The following GRIN2A variants were observed in gnomAD, a reference collection of about 807,000 sequenced individuals.
GRIN2A encodes the protein glutamate receptor ionotropic, NMDA 2A.
GRIN2A carries 22 observed loss-of-function variants against 113.4 expected under a neutral mutation model. The observed-to-expected ratio is 0.19, with a 90% CI of 0.14 to 0.28. The LOEUF is 0.28. Among genes scored for constraint, GRIN2A ranks in the 10% least tolerant of loss-of-function variants. The pLI, the probability that GRIN2A is intolerant of heterozygous loss-of-function variation, is 1.00. For missense variants in GRIN2A, 1,502 were observed against 1,887.0 expected (o/e 0.80, Z 3.78); for synonymous variants, 827 against 738.4 (o/e 1.12, Z -1.94).
At chr16:9,961,175 T>C (rs766865513) in intron 2 of GRIN2A, among the ~76,000 whole-genome samples, 4 of 152,204 alleles carry the variant, frequency 2.6e-5, no homozygotes, top group African/African-American at 4.8e-5. Flanking sequence ...GCCTCAACCA[T>C]GTACCAAGAA....
rs528959110 is a variant in GRIN2A, at chr16:9,918,180, C to T, written c.1007+19779G>A. On this transcript the variant is annotated intron_variant, in intron 3 of 12. Transcript: ENST00000330684. ...AAGCTCAGATATATTTAGTTGCTTG[C>T]TCAAAGTCTCACAGCTAATAAGTGG... Among the ~76,000 whole-genome samples the T allele has an allele frequency of 5.3e-5, 8 of 152,276 alleles. No individual in the cohort carries two copies. In the South Asian group the frequency reaches 1.2e-3, roughly 24 times the overall value.
intron 2 of GRIN2A, among the ~76,000 whole-genome samples, chr16:9,980,923 G>T (rs957392515): frequency 6.6e-6 from 1 of 151,326 alleles, no homozygotes; most frequent in Admixed American, 6.6e-5. Flanking sequence ...CACCAACATG[G>T]CACATGTACA....
chr16:9,907,105 G>A (rs2044042363), intron 3 of GRIN2A, among the ~76,000 whole-genome samples: 1 of 152,196 alleles, frequency 6.6e-6, no homozygotes, highest in African/African-American at 2.4e-5. Flanking sequence ...GAATCACGAT[G>A]CCTGACCACA....
chr16:9,835,911 T>C (rs2042577084), intron 7 of GRIN2A, among the ~76,000 whole-genome samples: 1 of 152,174 alleles, frequency 6.6e-6, no homozygotes, highest in Non-Finnish European at 1.5e-5. Context: ...ATAGTGCAAA[T>C]ATATTAAAAA....
intron 3 of GRIN2A, among the ~76,000 whole-genome samples, chr16:9,897,251 T>C (rs1350063140): frequency 2.4e-5 from 3 of 123,886 alleles, no homozygotes; most frequent in East Asian, 4.1e-4. Flanking sequence ...TACATATATA[T>C]ACACATTTCC....
chr16:9,784,560 C>G (rs1035519526), intron 11 of GRIN2A, among the ~76,000 whole-genome samples: 24 of 151,234 alleles, frequency 1.6e-4, no homozygotes, highest in African/African-American at 5.8e-4. Context: ...ACACCAAAAG[C>G]AATGGCAACA....
intron 2 of GRIN2A, among the ~76,000 whole-genome samples, chr16:9,964,520 G>A (rs1596368461): frequency 1.3e-5 from 2 of 152,116 alleles, no homozygotes; most frequent in South Asian, 2.1e-4. Flanking sequence ...AATGTGAAAT[G>A]GGTCTCGCTG....
At chr16:9,985,321 C>A (rs749550363) in intron 2 of GRIN2A, among the ~76,000 whole-genome samples, 1 of 152,016 alleles carries the variant, frequency 6.6e-6, no homozygotes, top group Non-Finnish European at 1.5e-5. Flanking sequence ...TTTTTACCTG[C>A]CTTTATCATT....
intron 2 of GRIN2A, among the ~76,000 whole-genome samples, chr16:10,060,850 A>G (rs1472492495): frequency 1.3e-5 from 2 of 152,212 alleles, no homozygotes; most frequent in African/African-American, 4.8e-5. Flanking sequence ...CACCCACAAC[A>G]GTGCAAGCCA....
intron 2 of GRIN2A, among the ~76,000 whole-genome samples, chr16:10,175,565 C>A (rs1451138914): frequency 3.9e-5 from 6 of 152,154 alleles, no homozygotes; most frequent in Non-Finnish European, 8.8e-5. Context: ...AATGAAAAGG[C>A]ATTATTTTTA....
chr16:9,781,459 C>G (rs1901931777), intron 11 of GRIN2A, among the ~76,000 whole-genome samples: 1 of 152,168 alleles, frequency 6.6e-6, no homozygotes, highest in Admixed American at 6.5e-5. Flanking sequence ...CTCCCAGGCT[C>G]AAGTGATCCT....
intron 11 of GRIN2A, 81 bp from the exon 12 acceptor site, chr16:9,769,170 G>T: frequency 9.5e-7 from 1 of 1,052,022 alleles, no homozygotes; most frequent in African/African-American, 1.6e-5. Flanking sequence ...TGGAACAGAC[G>T]ATGTGCAACT....
At chr16:10,124,639 A>G (rs56135508) in intron 2 of GRIN2A, among the ~76,000 whole-genome samples, 9,906 of 152,240 alleles carry the variant, frequency 0.065, 461 homozygotes, top group Non-Finnish European at 0.11. Context: ...GCAGGGAAAG[A>G]TACAGTCACA....
intron 2 of GRIN2A, among the ~76,000 whole-genome samples, chr16:10,131,601 C>A (rs1317672058): frequency 2.0e-5 from 3 of 152,138 alleles, no homozygotes; most frequent in Admixed American, 6.5e-5. Context: ...TAGGAAAGTA[C>A]CTTCTGTGAT....
intron 2 of GRIN2A, among the ~76,000 whole-genome samples, chr16:10,126,422 C>G (rs1028529381): frequency 6.6e-6 from 1 of 152,160 alleles, no homozygotes; most frequent in Non-Finnish European, 1.5e-5. Context: ...CTGCCACTGC[C>G]TCCCAAAGCA....
intron 2 of GRIN2A, among the ~76,000 whole-genome samples, chr16:10,074,032 T>G (rs948574860): frequency 6.6e-6 from 1 of 151,604 alleles, no homozygotes; most frequent in African/African-American, 2.4e-5. Context: ...AACTCAACAA[T>G]AGAAAGGCGA....
chr16:9,924,124 A>AC (rs2044409716), intron 3 of GRIN2A, among the ~76,000 whole-genome samples: 1 of 150,982 alleles, frequency 6.6e-6, no homozygotes. Context: ...AAAAAAAAAA[A>AC]AAAAAAAAAA....
At chr16:9,796,786 C>G (rs1002247308) in intron 11 of GRIN2A, among the ~76,000 whole-genome samples, 2 of 152,178 alleles carry the variant, frequency 1.3e-5, no homozygotes, top group African/African-American at 4.8e-5. Context: ...CAGAGCTTCT[C>G]CACTCAACCT....
rs940606669 is a variant in GRIN2A, at chr16:9,756,657, G to A, written c.*6492C>T. The A allele has an allele frequency of 5.2e-6, 1 of 191,804 alleles. No individual in the cohort carries two copies. Among genetic ancestry groups the A allele is most frequent in the Admixed American group, 6.1e-5 (1 of 16,322 alleles). 11.9% of individuals were successfully genotyped at this position (191,804 alleles called of 1,614,324 possible). A position where few individuals can be genotyped will look rare whatever the true frequency, so the allele number is the denominator to read the frequency against. On this transcript the variant is annotated 3_prime_UTR_variant, in exon 13 of 13. Coordinates refer to ENST00000330684, the MANE Select transcript of GRIN2A (RefSeq NM_001134407.3). ...GGAGCAATCATATTTATATCTTAAG[G>A]TTGTTTTGAGGATCACATTCTAGGA...
Sources: allele counts gnomAD v4.1 joint callset (sites outside exome capture counted in the v4.1 genomes callset), GRCh38; gene constraint gnomAD v4.1.1; transcripts MANE v1.5; gene names NCBI Gene and HGNC (gene_info 2026-07-23, HGNC 2026-07-21).